Variants in DHRS7B observed in about 807,000 individuals in gnomAD.
The protein encoded by DHRS7B is peroxisomal reductase activating PPAR-gamma.
Under a neutral mutation model 26.4 loss-of-function variants are expected in DHRS7B, and 24 were observed. The observed-to-expected ratio is 0.91, with a 90% CI of 0.66 to 1.28. The LOEUF (loss-of-function observed/expected upper bound fraction) is 1.28, where lower values mean the gene tolerates loss of function less well. Ranked by LOEUF, DHRS7B falls within the 50% of genes most tolerant of loss-of-function variation. The pLI is 0.00. For missense variants in DHRS7B, 368 were observed against 419.4 expected, an observed-to-expected ratio of 0.88 and a Z score of 1.07; for synonymous variants, 142 against 166.4, an observed-to-expected ratio of 0.85 and a Z score of 1.13.
chr17:21,140,538 A>ACACACACACACACC lies in DHRS7B; in HGVS notation c.20+13548_20+13549insACACACACACACCC, dbSNP rs972677956. On this transcript the variant is annotated intron_variant, in intron 1 of 6. Coordinates refer to ENST00000395511, the MANE Select transcript of DHRS7B (RefSeq NM_015510.5). Reference sequence around the variant, plus strand: ...CACACACACACACACACACACACACACCCTGACACCCTATAGCTTTTACTT... The same window carrying ACACACACACACACC: ...CACACACACACACACACACACACACACACACACACACACCCCCTGACACCCTATAGCTTTTACTT... Among the ~76,000 whole-genome samples, 1,253 of 134,702 alleles carry ACACACACACACACC rather than the reference A, an allele frequency of 9.3e-3. 41 individuals carry two copies. Among genetic ancestry groups the ACACACACACACACC allele is most frequent in the African/African-American group, 0.015 (549 of 35,550 alleles). 88.4% of individuals were successfully genotyped at this position (134,702 alleles called of 152,430 possible).
intron 1 of DHRS7B, among the ~76,000 whole-genome samples, chr17:21,148,102 A>G (rs1380292955): frequency 8.5e-5 from 13 of 152,090 alleles, no homozygotes; most frequent in Non-Finnish European, 1.6e-4. Flanking sequence ...TTTTGTAGAG[A>G]CAAGTTCTCA....
rs566887027 is a variant in DHRS7B at position 21,143,170 on chromosome 17, G to A, written c.20+16179G>A. Among the ~76,000 whole-genome samples the A allele has an allele frequency of 2.6e-5, 4 of 152,236 alleles. No homozygotes were observed. In the South Asian group the frequency reaches 6.2e-4, roughly 24 times the overall value. On this transcript the variant is annotated intron_variant, in intron 1 of 6. Coordinates refer to ENST00000395511, the MANE Select transcript of DHRS7B (RefSeq NM_015510.5). ...TCTCGAACTCGACCTCAGGTGATCC[G>A]CCCACCTCGGCTTCCCAAAGTGCTG...
At chr17:21,140,257 C>G (rs536837633) in intron 1 of DHRS7B, among the ~76,000 whole-genome samples, 1 of 151,788 alleles carries the variant, frequency 6.6e-6, no homozygotes, top group Non-Finnish European at 1.5e-5. Context: ...CTCCTGACTT[C>G]GTGATCCACC....
chr17:21,186,893 C>A (rs569606561), intron 5 of DHRS7B, among the ~76,000 whole-genome samples: 1 of 151,972 alleles, frequency 6.6e-6, no homozygotes, highest in Non-Finnish European at 1.5e-5. Context: ...CATAAGAAGG[C>A]AGGTTTGGAT....
intron 1 of DHRS7B, among the ~76,000 whole-genome samples, chr17:21,146,464 C>A (rs1973646476): frequency 6.6e-6 from 1 of 152,134 alleles, no homozygotes; most frequent in Non-Finnish European, 1.5e-5. Flanking sequence ...TTTCTGCAGT[C>A]TTATAAGGTA....
intron 3 of DHRS7B, among the ~76,000 whole-genome samples, chr17:21,178,847 C>T (rs1974450192): frequency 6.6e-6 from 1 of 151,946 alleles, no homozygotes; most frequent in African/African-American, 2.4e-5. Context: ...TTTGTAGAGA[C>T]GTGGTTTCAC....
At chr17:21,178,489 G>A (rs1974437570) in intron 3 of DHRS7B, 147 bp downstream of exon 3, 3 of 652,930 alleles carry the variant, frequency 4.6e-6, no homozygotes, top group South Asian at 3.8e-5. Context: ...TCTCCATAGC[G>A]AACCGGGCCC....
rs1009330302 is a variant in DHRS7B at position 21,132,347 on chromosome 17, AAATAT to A, written c.20+5358_20+5362del. ...GAGACCCCATCTCTTAAAAAAAAAA[AAATAT>A]ATATATATATAGATAGATAGATAGA... On this transcript the variant is annotated intron_variant, in intron 1 of 6. Coordinates refer to ENST00000395511, the MANE Select transcript of DHRS7B (RefSeq NM_015510.5). Among the ~76,000 whole-genome samples, 10 of 131,268 alleles carry A rather than the reference AAATAT, an allele frequency of 7.6e-5. No individual in the cohort carries two copies. The East Asian group carries it at 1.8e-3, about 24-fold the overall frequency. 86.1% of individuals were successfully genotyped at this position (131,268 alleles called of 152,430 possible).
chr17:21,182,798 A>G (rs1187887469), intron 3 of DHRS7B, among the ~76,000 whole-genome samples: 2 of 152,156 alleles, frequency 1.3e-5, no homozygotes, highest in East Asian at 3.8e-4. Flanking sequence ...ATTCGCTGGT[A>G]TTTTGTTGAA....
intron 1 of DHRS7B, among the ~76,000 whole-genome samples, chr17:21,134,798 G>C (rs1281118460): frequency 6.6e-6 from 1 of 152,168 alleles, no homozygotes; most frequent in Non-Finnish European, 1.5e-5. Context: ...ATTGTTAAAA[G>C]CTGTCAGTAG....
At chr17:21,167,463 T>C (rs1021925489) in intron 1 of DHRS7B, among the ~76,000 whole-genome samples, 1 of 152,146 alleles carries the variant, frequency 6.6e-6, no homozygotes, top group African/African-American at 2.4e-5. Flanking sequence ...AGTTCGTGAG[T>C]CTCATCAGTG....
At position 21,191,084 on chromosome 17, in the gene DHRS7B, G is replaced by T; in HGVS notation, c.909G>T (p.Leu303=). Residue 303 remains leucine (L), a synonymous_variant, in exon 7 of 7, where the codon CTG becomes CTT. Coordinates refer to ENST00000395511, the MANE Select transcript of DHRS7B (RefSeq NM_015510.5). Reference sequence around the variant, plus strand: ...CCTTGGCTGTTTATCTTCGAACTCTGGCTCCTGGGCTCTTCTTCAGCCTCA... The same window carrying T: ...CCTTGGCTGTTTATCTTCGAACTCTTGCTCCTGGGCTCTTCTTCAGCCTCA... ...LPSLAVYLRT[L]APGLFFSLMA... is the part of the protein sequence containing the mutation. The T allele has an allele frequency of 6.2e-7, 1 of 1,614,168 alleles. No homozygotes were observed. The highest frequency in any genetic ancestry group is 8.5e-7 in the Non-Finnish European group (1 of 1,180,050).
intron 5 of DHRS7B, among the ~76,000 whole-genome samples, chr17:21,187,591 A>G (rs1276542361): frequency 6.8e-6 from 1 of 146,270 alleles, no homozygotes; most frequent in Non-Finnish European, 1.5e-5. Flanking sequence ...GTGCCACTGC[A>G]CTCCAGCACT....
chr17:21,135,738 C>T (rs550641047), intron 1 of DHRS7B, among the ~76,000 whole-genome samples: 1 of 152,298 alleles, frequency 6.6e-6, no homozygotes, highest in South Asian at 2.1e-4. Flanking sequence ...GAAAACCTAA[C>T]TAATCTGACA....
intron 1 of DHRS7B, among the ~76,000 whole-genome samples, chr17:21,167,504 G>T (rs1974140843): frequency 6.6e-6 from 1 of 152,218 alleles, no homozygotes; most frequent in Non-Finnish European, 1.5e-5. Context: ...CTTGCCCAAG[G>T]ACTAAGAGTG....
At chr17:21,143,663 C>A (rs1222292230) in intron 1 of DHRS7B, among the ~76,000 whole-genome samples, 2 of 152,080 alleles carry the variant, frequency 1.3e-5, no homozygotes, top group East Asian at 3.8e-4. Context: ...TCATTTTAAC[C>A]CACGAGATTT....
rs376243333 is a variant in DHRS7B at position 21,184,746 on chromosome 17, G to A, written c.619+283G>A. ...CTTAGCCCGGAGGACTGCTGTGAGC[G>A]CTGTGCTTGGAGCTGCCCCAGACAC... On this transcript the variant is annotated intron_variant, in intron 5 of 6. Coordinates refer to ENST00000395511, the MANE Select transcript of DHRS7B (RefSeq NM_015510.5). Among the ~76,000 whole-genome samples, 426 of 152,278 alleles carry A rather than the reference G, an allele frequency of 2.8e-3. 2 individuals carry two copies. Among genetic ancestry groups the A allele is most frequent in the Middle Eastern group, 0.01 (3 of 294 alleles).
At chr17:21,184,880 G>A (rs964560663) in intron 5 of DHRS7B, among the ~76,000 whole-genome samples, 2 of 152,122 alleles carry the variant, frequency 1.3e-5, no homozygotes, top group South Asian at 2.1e-4. Context: ...TTTTTTCTAC[G>A]TATAATTCAA....
Position 21,191,278 on chromosome 17 carries a change from A to C in DHRS7B, c.*125A>C, listed in dbSNP as rs1974775457. 10 of 1,010,808 alleles carry C rather than the reference A, an allele frequency of 9.9e-6. No individual in the cohort carries two copies. Among genetic ancestry groups the C allele is most frequent in the Non-Finnish European group, 1.5e-5 (10 of 683,082 alleles). The allele number at this position is 1,010,808 out of a possible 1,614,324, so 62.6% of individuals were successfully genotyped here. A position where few individuals can be genotyped will look rare whatever the true frequency, so the allele number is the denominator to read the frequency against. ...TCTCACAAGTGGGAAAGACTGAAGAAACACATCTCGTGCAGATCTGCTGGC... is the reference window on the plus strand; with the variant it reads ...TCTCACAAGTGGGAAAGACTGAAGACACACATCTCGTGCAGATCTGCTGGC... On this transcript the variant is annotated 3_prime_UTR_variant, in exon 7 of 7. Transcript: ENST00000395511.
Sources: gnomAD v4.1 joint callset for allele counts (sites outside exome capture counted in the v4.1 genomes callset) on GRCh38, gnomAD v4.1.1 for gene constraint, MANE v1.5 for transcripts, NCBI Gene and HGNC (gene_info 2026-07-23, HGNC 2026-07-21) for gene names.